Variants in SRPRB observed in about 807,000 individuals in gnomAD.
SRPRB encodes SRP receptor subunit beta, also known as signal recognition particle receptor subunit beta.
In SRPRB, 20 loss-of-function variants were observed where a neutral mutation model predicts 31.9. That is an observed-to-expected ratio of 0.63 (90% CI 0.44 to 0.91). The LOEUF (loss-of-function observed/expected upper bound fraction) is 0.91, where lower values mean the gene tolerates loss of function less well. Among genes scored for constraint, SRPRB ranks in the 40% least tolerant of loss-of-function variants. SRPRB has a pLI of 0.00. For synonymous variants in SRPRB, 146 were observed against 132.8 expected, an observed-to-expected ratio of 1.10 and a Z score of -0.68; for missense variants, 321 against 324.9, an observed-to-expected ratio of 0.99 and a Z score of 0.09.
In SRPRB at chr3:133,816,895, T is replaced by A. The variant is rs1935375572; in HGVS notation, c.565T>A (p.Ser189Thr). The change falls in exon 6 of 7, where the codon TCA (serine) becomes ACA (threonine). Residue 189 changes from serine (S) to threonine (T), a missense_variant. By Grantham distance (58) the Ser-to-Thr change is moderately conservative (BLOSUM62 1). Transcript: ENST00000678299. ...CNKQDIAMAK[S>T]AKLIQQQLEK... is the part of the protein sequence containing the mutation. ...CTTTACAGATATTGCAATGGCAAAA[T>A]CAGCAAAGTTAATTCAACAGCAGCT... The A allele has an allele frequency of 6.2e-7, 1 of 1,609,974 alleles. No homozygotes were observed.
chr3:133,822,578 C>T (rs76976185), downstream of SRPRB, among the ~76,000 whole-genome samples: 685 of 152,312 alleles, frequency 4.5e-3, 5 homozygotes, highest in Non-Finnish European at 5.7e-3. Context: ...GTCACTTCTT[C>T]CCACTGCCTC....
intron 2 of SRPRB, among the ~76,000 whole-genome samples, chr3:133,806,906 G>A (rs1410039205): frequency 3.3e-5 from 5 of 150,424 alleles, no homozygotes; most frequent in Non-Finnish European, 7.4e-5. Flanking sequence ...TTTTTTTTCT[G>A]TTTGCCCTTG....
chr3:133,807,719 A>G (rs113862503), intron 2 of SRPRB, 27 bp from the exon 3 acceptor site: 1 of 1,512,148 alleles, frequency 6.6e-7, no homozygotes, highest in East Asian at 2.3e-5. Flanking sequence ...AAAATGTTGA[A>G]TATCACCCAT....
chr3:133,792,906 C>G lies in SRPRB; in HGVS notation c.-174+8762C>G, dbSNP rs1934875709. ...TTGAACATCAAAATAAAAGCACAAACAGGGTTTTCTTAAAGCACCGATCTG... is the reference window on the plus strand; with the variant it reads ...TTGAACATCAAAATAAAAGCACAAAGAGGGTTTTCTTAAAGCACCGATCTG... On this transcript the variant is annotated intron_variant, in intron 1 of 7. Coordinates refer to the SRPRB transcript ENST00000466490. 2.0e-5 allele frequency: 3 copies of G among 152,044 alleles called. No homozygotes were observed. In the South Asian group the frequency reaches 6.2e-4, roughly 31 times the overall value. The allele number at this position is 152,044 out of a possible 1,614,324, so 9.4% of individuals were successfully genotyped here.
rs548821412 is a variant in SRPRB at position 133,820,812 on chromosome 3, A to C, written c.*1046A>C. ...TAATGGTGAGTACAAATGAGTGCAC[A>C]TGTCAGGACTCAGGTCTAACTCCTT... On this transcript the variant is annotated 3_prime_UTR_variant, in exon 7 of 7. Coordinates refer to ENST00000678299, the MANE Select transcript of SRPRB (RefSeq NM_001379313.1). The C allele has an allele frequency of 3.3e-5, 5 of 152,366 alleles. No homozygotes were observed. The highest frequency in any genetic ancestry group is 1.9e-4 in the East Asian group (1 of 5,190). The allele number at this position is 152,366 out of a possible 1,614,324, so 9.4% of individuals were successfully genotyped here. A position where few individuals can be genotyped will look rare whatever the true frequency, so the allele number is the denominator to read the frequency against.
chr3:133,784,520 G>A (rs899419628), intron 1 of SRPRB: 2 of 150,858 alleles, frequency 1.3e-5, no homozygotes, highest in African/African-American at 4.9e-5. Context: ...GACATAAATG[G>A]CTTCTGGAGA....
At chr3:133,818,500 G>A (rs76750243) in intron 6 of SRPRB, among the ~76,000 whole-genome samples, 2 of 152,238 alleles carry the variant, frequency 1.3e-5, no homozygotes, top group East Asian at 3.9e-4. Context: ...GGCCCTGTTA[G>A]CTTAGAGGCA....
intron 2 of SRPRB, among the ~76,000 whole-genome samples, chr3:133,807,499 C>G (rs1054146234): frequency 7.2e-5 from 11 of 152,218 alleles, no homozygotes; most frequent in Non-Finnish European, 7.4e-5. Flanking sequence ...AAAATCTTTA[C>G]AGAAGCTTGG....
chr3:133,785,109 T>C (rs1188196003), intron 1 of SRPRB: 1 of 124,156 alleles, frequency 8.1e-6, no homozygotes, highest in African/African-American at 2.9e-5. Flanking sequence ...AGCCGCCCCG[T>C]CCGGGAGGGA....
downstream of SRPRB, chr3:133,827,593 G>A: frequency 2.8e-6 from 1 of 362,938 alleles, no homozygotes; most frequent in South Asian, 4.4e-5. Context: ...AGCCACAGTA[G>A]CCACAAAGAT....
At chr3:133,814,629 G>C (rs1935334794) in intron 4 of SRPRB, among the ~76,000 whole-genome samples, 1 of 151,714 alleles carries the variant, frequency 6.6e-6, no homozygotes, top group Non-Finnish European at 1.5e-5. Context: ...AGTAGAGATT[G>C]GGTTTCATCA....
At chr3:133,822,499 G>A (rs909472228), downstream of SRPRB, among the ~76,000 whole-genome samples, 1 of 152,172 alleles carries the variant, frequency 6.6e-6, no homozygotes, top group African/African-American at 2.4e-5. Flanking sequence ...TCCACTACCA[G>A]GTGCCTGACA....
chr3:133,805,813 T>C (rs764863930), upstream of SRPRB: 6 of 1,579,674 alleles, frequency 3.8e-6, no homozygotes, highest in East Asian at 1.1e-4. Flanking sequence ...CAGGGCCACG[T>C]CGCTTTTGCT....
At chr3:133,814,132 ATTT>A (rs928130359) in intron 4 of SRPRB, among the ~76,000 whole-genome samples, 5 of 137,820 alleles carry the variant, frequency 3.6e-5, no homozygotes, top group African/African-American at 5.3e-5. Flanking sequence ...TAAGGCTTGT[ATTT>A]TTTTTTTTTT....
At chr3:133,825,277 A>C (rs887204946), downstream of SRPRB, 7 of 152,180 alleles carry the variant, frequency 4.6e-5, no homozygotes, top group Non-Finnish European at 1.0e-4. Flanking sequence ...CACAACTGGT[A>C]TCCCAGGGCA....
At chr3:133,816,812 G>T (rs1935374106) in intron 5 of SRPRB, 66 bp from the exon 6 acceptor site, 3 of 1,321,246 alleles carry the variant, frequency 2.3e-6, no homozygotes, top group Admixed American at 4.2e-5. Flanking sequence ...TTCCTTCTGT[G>T]TAAGAAGTCT....
At chr3:133,824,032 T>G (rs993831069), downstream of SRPRB, among the ~76,000 whole-genome samples, 2 of 152,090 alleles carry the variant, frequency 1.3e-5, no homozygotes, top group African/African-American at 4.8e-5. Flanking sequence ...TTTACTCTCA[T>G]GAGTGTGTCC....
At chr3:133,794,903 G>T (rs1386474451) in intron 1 of SRPRB, 1 of 152,138 alleles carries the variant, frequency 6.6e-6, no homozygotes, top group Non-Finnish European at 1.5e-5. Flanking sequence ...TACAATTATG[G>T]GTTATACTTT....
intron 1 of SRPRB, 26 bp from the exon 2 acceptor site, chr3:133,806,580 TTTG>T: frequency 3.8e-6 from 6 of 1,589,010 alleles, no homozygotes; most frequent in Non-Finnish European, 5.2e-6. Flanking sequence ...AGGCGTAATT[TTTG>T]TTGTTTTTCT....
Sources: allele counts gnomAD v4.1 joint callset (sites outside exome capture counted in the v4.1 genomes callset), GRCh38; gene constraint gnomAD v4.1.1; transcripts MANE v1.5; gene names NCBI Gene and HGNC (gene_info 2026-07-23, HGNC 2026-07-21).